HDAC8: variants seen among roughly 807,000 people sequenced by gnomAD.
HDAC8 encodes the protein histone deacetylase-like 1.
Under a neutral mutation model 32.2 loss-of-function variants are expected in HDAC8, and 1 was observed. The observed-to-expected ratio is 0.03, with a 90% CI of 0.01 to 0.15. The LOEUF is 0.15. Ranked by LOEUF, HDAC8 falls within the 10% of genes least tolerant of loss-of-function variation. The pLI, the probability that HDAC8 is intolerant of heterozygous loss-of-function variation, is 1.00. For synonymous variants in HDAC8, 108 were observed against 113.9 expected, an observed-to-expected ratio of 0.95 and a Z score of 0.33; for missense variants, 117 against 300.0, an observed-to-expected ratio of 0.39 and a Z score of 4.51.
At chrX:72,389,188 T>C (rs2045543967) in intron 9 of HDAC8, among the ~76,000 whole-genome samples, 1 of 111,475 alleles carries the variant, frequency 9.0e-6, no homozygotes. Flanking sequence ...TGGTAGGCAA[T>C]AAATGCTTAT....
At chrX:72,523,455 C>A (rs2050040881) in intron 4 of HDAC8, among the ~76,000 whole-genome samples, 1 of 111,699 alleles carries the variant, frequency 9.0e-6, no homozygotes, top group South Asian at 3.8e-4. Flanking sequence ...TTGCCTCTCA[C>A]CCGTTTCTTA....
chrX:72,564,792 T>G (rs1556129908), intron 4 of HDAC8, among the ~76,000 whole-genome samples: 1 of 112,209 alleles, frequency 8.9e-6, no homozygotes, highest in Non-Finnish European at 1.9e-5. Context: ...TACCAGTGTT[T>G]TCATTACTGT....
chrX:72,514,101 C>T (rs782710215), intron 4 of HDAC8, among the ~76,000 whole-genome samples: 2 of 112,308 alleles, frequency 1.8e-5, no homozygotes, highest in South Asian at 7.4e-4. Flanking sequence ...TACTGAAACT[C>T]AGAAGGTAAT....
intron 4 of HDAC8, among the ~76,000 whole-genome samples, chrX:72,512,196 T>C (rs181448553): frequency 1.8e-5 from 2 of 111,243 alleles, no homozygotes; most frequent in African/African-American, 6.5e-5. Flanking sequence ...TAATGAACCT[T>C]GAAATATAAC....
chrX:72,492,224 A>G (rs922714733), intron 5 of HDAC8, among the ~76,000 whole-genome samples: 2 of 112,400 alleles, frequency 1.8e-5, no homozygotes, highest in African/African-American at 6.4e-5. Context: ...ACTTGGACCA[A>G]TCATGTATGA....
chrX:72,523,068 T>C (rs2050030900), intron 4 of HDAC8, among the ~76,000 whole-genome samples: 1 of 112,408 alleles, frequency 8.9e-6, no homozygotes, highest in Non-Finnish European at 1.9e-5. Context: ...AATGTCATTA[T>C]GTGTATTTAA....
intron 4 of HDAC8, among the ~76,000 whole-genome samples, chrX:72,553,166 T>C (rs1300397092): frequency 9.0e-6 from 1 of 110,527 alleles, no homozygotes; most frequent in Non-Finnish European, 1.9e-5. Context: ...TGCCTCAACT[T>C]CCTGGGTAGC....
chrX:72,337,422 C>G (rs1313431013), intron 10 of HDAC8, among the ~76,000 whole-genome samples: 4 of 111,632 alleles, frequency 3.6e-5, no homozygotes, highest in African/African-American at 1.3e-4. Context: ...TAGAACAGTC[C>G]TCTTGTGCTT....
intron 9 of HDAC8, among the ~76,000 whole-genome samples, chrX:72,459,390 T>A (rs2047807108): frequency 9.0e-6 from 1 of 110,724 alleles, no homozygotes; most frequent in South Asian, 3.9e-4. Flanking sequence ...AGGAAGATAA[T>A]AGAGAAGTAG....
intron 4 of HDAC8, among the ~76,000 whole-genome samples, chrX:72,562,074 T>G (rs1263530099): frequency 3.6e-5 from 4 of 112,296 alleles, no homozygotes; most frequent in Non-Finnish European, 7.5e-5. Flanking sequence ...ACTTTTACAC[T>G]GCTGGTGGGA....
intron 4 of HDAC8, among the ~76,000 whole-genome samples, chrX:72,557,504 T>C (rs1412026903): frequency 2.7e-5 from 3 of 111,315 alleles, no homozygotes; most frequent in Non-Finnish European, 5.7e-5. Context: ...AAGACAAAAG[T>C]TAAAAAATTC....
intron 2 of HDAC8, among the ~76,000 whole-genome samples, chrX:72,569,401 A>G (rs3788793): frequency 0.17 from 18,911 of 111,708 alleles, 2,652 homozygotes; most frequent in East Asian, 0.67. Flanking sequence ...CAGATAAGTC[A>G]ACTGTTCTGT....
At chrX:72,330,313 C>T (rs972077514) in intron 10 of HDAC8, among the ~76,000 whole-genome samples, 8 of 111,409 alleles carry the variant, frequency 7.2e-5, no homozygotes, top group Admixed American at 5.7e-4. Flanking sequence ...GACATGTGAT[C>T]GAGGCCTTTG....
At chrX:72,334,492 G>T (rs1487487141) in intron 10 of HDAC8, among the ~76,000 whole-genome samples, 1 of 111,597 alleles carries the variant, frequency 9.0e-6, no homozygotes, top group African/African-American at 3.3e-5. Flanking sequence ...GAAGGTACCT[G>T]CTGGCAAAAG....
chrX:72,383,869 C>CAA (rs782518910), intron 9 of HDAC8, among the ~76,000 whole-genome samples: 57 of 28,867 alleles, frequency 2.0e-3, no homozygotes, highest in East Asian at 3.3e-3. Context: ...GATGCCATCT[C>CAA]AAAAAAAAAA....
At chrX:72,536,674 C>T (rs2050536944) in intron 4 of HDAC8, among the ~76,000 whole-genome samples, 1 of 111,793 alleles carries the variant, frequency 8.9e-6, no homozygotes, top group South Asian at 3.8e-4. Flanking sequence ...CATTTATAGT[C>T]CACTTTAAGG....
In HDAC8 at chrX:72,416,408, G is replaced by GTTTTTTTTTTTTT. The variant is rs549411405; in HGVS notation, c.1005+45583_1005+45595dup. Reference sequence around the variant, plus strand: ...GATATTGGAAATTTGTGTCTTCTCTGTTTTTTTTTTTTTTTTTTTTTTTTT... The same window carrying GTTTTTTTTTTTTT: ...GATATTGGAAATTTGTGTCTTCTCTGTTTTTTTTTTTTTTTTTTTTTTTTTTTTTTTTTTTTTT... On this transcript the variant is annotated intron_variant, in intron 9 of 10. Transcript: ENST00000373573. 8.4e-3 allele frequency among the ~76,000 whole-genome samples: 31 copies of GTTTTTTTTTTTTT among 3,694 alleles called. 12 individuals are homozygous for GTTTTTTTTTTTTT. The highest frequency in any genetic ancestry group is 0.02 in the Non-Finnish European group (23 of 1,177). The allele number at this position is 3,694 out of a possible 115,157, so 3.2% of individuals were successfully genotyped here.
At chrX:72,449,919 C>T (rs995001233) in intron 9 of HDAC8, among the ~76,000 whole-genome samples, 4 of 111,841 alleles carry the variant, frequency 3.6e-5, no homozygotes, top group African/African-American at 1.3e-4. Flanking sequence ...ATTTGCATTC[C>T]TAGGCATTGT....
At chrX:72,569,671 G>A (rs1211550385) in intron 2 of HDAC8, among the ~76,000 whole-genome samples, 1 of 111,573 alleles carries the variant, frequency 9.0e-6, no homozygotes, top group Non-Finnish European at 1.9e-5. Flanking sequence ...AAATAGAAGC[G>A]AGTGAGGGAA....
Sources: allele counts gnomAD v4.1 joint callset (sites outside exome capture counted in the v4.1 genomes callset), GRCh38; gene constraint gnomAD v4.1.1; transcripts MANE v1.5; gene names NCBI Gene and HGNC (gene_info 2026-07-23, HGNC 2026-07-21).